Variants in SLC25A42 observed in about 807,000 individuals in gnomAD.
SLC25A42 encodes mitochondrial coenzyme A transporter SLC25A42.
In SLC25A42, 19 loss-of-function variants were observed where a neutral mutation model predicts 34.7. The observed-to-expected ratio is 0.55, with a 90% CI of 0.38 to 0.80. SLC25A42 has a LOEUF of 0.80. Ranked by LOEUF, SLC25A42 falls within the 30% of genes least tolerant of loss-of-function variation. The pLI is 0.00. For synonymous variants in SLC25A42, 205 were observed against 191.2 expected (o/e 1.07, Z -0.59); for missense variants, 364 against 441.3 (o/e 0.82, Z 1.57).
chr19:19,100,829 G>A (rs1380777433), intron 2 of SLC25A42, among the ~76,000 whole-genome samples: 2 of 152,162 alleles, frequency 1.3e-5, no homozygotes, highest in South Asian at 2.1e-4. Flanking sequence ...GTGGGACTTC[G>A]CAGATTCCTG....
chr19:19,080,618 CA>C (rs1353927083), intron 1 of SLC25A42, among the ~76,000 whole-genome samples: 1 of 151,712 alleles, frequency 6.6e-6, no homozygotes, highest in Non-Finnish European at 1.5e-5. Context: ...CTCATCTCTA[CA>C]AAAAAATTAA....
At chr19:19,067,540 A>G (rs1384203095) in intron 1 of SLC25A42, among the ~76,000 whole-genome samples, 1 of 151,922 alleles carries the variant, frequency 6.6e-6, no homozygotes, top group Non-Finnish European at 1.5e-5. Flanking sequence ...CTATGATTGC[A>G]CCATTGCACT....
intron 1 of SLC25A42, among the ~76,000 whole-genome samples, chr19:19,069,767 G>A (rs1857297779): frequency 1.3e-5 from 2 of 151,552 alleles, no homozygotes; most frequent in African/African-American, 2.4e-5. Context: ...TGATTCTCCC[G>A]CTTCAGCCTG....
chr19:19,066,673 G>T lies in SLC25A42; in HGVS notation c.-35+2558G>T, dbSNP rs182193429. Among the ~76,000 whole-genome samples, 744 of 151,796 alleles carry T rather than the reference G, an allele frequency of 4.9e-3. 9 individuals are homozygous for T. The highest frequency in any genetic ancestry group is 0.02 in the Middle Eastern group (6 of 294). ...TCACTGTGTTAGCCAGGATGGTCTC[G>T]ATCTCCTGACCTTGTGATCAGCCTG... On this transcript the variant is annotated intron_variant, in intron 1 of 7. Transcript: ENST00000318596.
rs958957070 is a variant in SLC25A42, at chr19:19,110,944, G to A, written c.*68G>A. On this transcript the variant is annotated 3_prime_UTR_variant, in exon 8 of 8. Transcript: ENST00000318596. The stretch of plus-strand genomic sequence containing the variant: ...TTGTATTCTGGGCCCATGGAACGGT[G>A]GGGGGGTGCGCTTGATTCTACTTCA... 2.0e-6 allele frequency: 3 copies of A among 1,537,036 alleles called. No individual in the cohort carries two copies. Among genetic ancestry groups the A allele is most frequent in the Admixed American group, 1.8e-5 (1 of 55,552 alleles).
At chr19:19,089,792 C>T (rs970092109) in intron 1 of SLC25A42, among the ~76,000 whole-genome samples, 1 of 152,024 alleles carries the variant, frequency 6.6e-6, no homozygotes, top group African/African-American at 2.4e-5. Flanking sequence ...TCACTTGAAC[C>T]TGGGAGGCAG....
chr19:19,104,925 G>T lies in SLC25A42; in HGVS notation c.200G>T (p.Arg67Ile). 1.2e-6 allele frequency: 2 copies of T among 1,614,140 alleles called. No individual in the cohort carries two copies. The highest frequency in any genetic ancestry group is 1.7e-6 in the Non-Finnish European group (2 of 1,180,000). The change falls in exon 4 of 8, where the codon AGA becomes ATA. Residue 67 changes from arginine (R) to isoleucine (I), a missense_variant. Physicochemically the swap from Arg to Ile is moderately conservative, Grantham distance 97. Transcript: ENST00000318596. ...TTGTTTTTTCCAGTGTCTTCAAAAA[G>T]ATTTTCTGCCAAGGTGAGCCACTAT... ...TKIIFQVSSK[R>I]FSAKEAFRVL...
chr19:19,088,739 C>T (rs1430821677), intron 1 of SLC25A42, among the ~76,000 whole-genome samples: 1 of 151,810 alleles, frequency 6.6e-6, no homozygotes, highest in Admixed American at 6.6e-5. Context: ...ACCTTGTGAT[C>T]CCCCCGCTTT....
chr19:19,102,981 T>C (rs2059806396), intron 3 of SLC25A42, among the ~76,000 whole-genome samples: 1 of 152,166 alleles, frequency 6.6e-6, no homozygotes, highest in South Asian at 2.1e-4. Context: ...TTCTGGGGGC[T>C]CCTGGTTCTC....
chr19:19,078,527 A>G (rs574162882), intron 1 of SLC25A42, among the ~76,000 whole-genome samples: 310 of 152,266 alleles, frequency 2.0e-3, no homozygotes, highest in Non-Finnish European at 3.7e-3. Flanking sequence ...CATTTGCAGT[A>G]CCGATAGAGC....
chr19:19,090,224 CCTT>C (rs921326577), intron 1 of SLC25A42, among the ~76,000 whole-genome samples: 3 of 152,066 alleles, frequency 2.0e-5, no homozygotes, highest in African/African-American at 7.2e-5. Flanking sequence ...CAGTTTCACC[CCTT>C]CTTGAAAGTC....
At chr19:19,083,978 G>A (rs1361492930) in intron 1 of SLC25A42, among the ~76,000 whole-genome samples, 8 of 144,778 alleles carry the variant, frequency 5.5e-5, no homozygotes, top group African/African-American at 2.1e-4. Flanking sequence ...GCACCTTCAG[G>A]GCGCTGCACA....
intron 1 of SLC25A42, among the ~76,000 whole-genome samples, chr19:19,080,337 G>T (rs2059674781): frequency 6.6e-6 from 1 of 152,112 alleles, no homozygotes; most frequent in Non-Finnish European, 1.5e-5. Flanking sequence ...GACATTTTAG[G>T]GATAAGGACA....
intron 7 of SLC25A42, among the ~76,000 whole-genome samples, chr19:19,108,287 G>T (rs550044411): frequency 2.6e-5 from 4 of 152,240 alleles, no homozygotes; most frequent in African/African-American, 9.6e-5. Flanking sequence ...GCCACGGCTC[G>T]TGCCTGTAAT....
chr19:19,084,814 A>G (rs1850005996), intron 1 of SLC25A42, among the ~76,000 whole-genome samples: 2 of 151,954 alleles, frequency 1.3e-5, no homozygotes, highest in Non-Finnish European at 2.9e-5. Context: ...GCACATGGGC[A>G]GGGCAAGGTG....
At position 19,104,917 on chromosome 19, in the gene SLC25A42, T is replaced by A; in HGVS notation, c.192T>A (p.Ser64=). 1 of 1,614,156 alleles carries A rather than the reference T, an allele frequency of 6.2e-7. No homozygotes were observed. The highest frequency in any genetic ancestry group is 1.3e-5 in the African/African-American group (1 of 75,052). The change falls in exon 4 of 8, where the codon TCT becomes TCA. Residue 64 remains serine (S), a synonymous_variant. Transcript: ENST00000318596. ...TTGTGCTTTTGTTTTTTCCAGTGTC[T>A]TCAAAAAGATTTTCTGCCAAGGTGA... ...LDRTKIIFQV[S]SKRFSAKEAF...
intron 1 of SLC25A42, among the ~76,000 whole-genome samples, chr19:19,082,954 G>T (rs150124539): frequency 0.019 from 2,922 of 151,844 alleles, 88 homozygotes; most frequent in African/African-American, 0.067. Context: ...GAGTAGCTGG[G>T]ACTACAGGTG....
chr19:19,097,114 C>G (rs978872609), intron 2 of SLC25A42, among the ~76,000 whole-genome samples: 9 of 152,180 alleles, frequency 5.9e-5, no homozygotes, highest in Non-Finnish European at 1.0e-4. Context: ...CCCACTGGCC[C>G]CTAAGTCCTC....
chr19:19,066,576 G>A (rs984152654), intron 1 of SLC25A42, among the ~76,000 whole-genome samples: 9 of 151,926 alleles, frequency 5.9e-5, no homozygotes, highest in Admixed American at 1.3e-4. Context: ...AGCCTCCTGA[G>A]TAGCTGGGAC....
Sources: allele counts gnomAD v4.1 joint callset (sites outside exome capture counted in the v4.1 genomes callset), GRCh38; gene constraint gnomAD v4.1.1; transcripts MANE v1.5; gene names NCBI Gene and HGNC (gene_info 2026-07-23, HGNC 2026-07-21).